Variants in VAPB observed in about 807,000 individuals in gnomAD.
The protein encoded by VAPB is VAMP associated protein B and C.
In VAPB, 7 loss-of-function variants were observed where a neutral mutation model predicts 25.6. The observed-to-expected ratio is 0.27, with a 90% CI of 0.16 to 0.51. The LOEUF is 0.51. Among genes scored for constraint, VAPB ranks in the 20% least tolerant of loss-of-function variants. VAPB has a pLI of 0.97. For missense variants in VAPB, 266 were observed against 301.3 expected (o/e 0.88, Z 0.87); for synonymous variants, 112 against 109.2 (o/e 1.03, Z -0.16).
chr20:58,421,106 C>T (rs771032416), intron 2 of VAPB, among the ~76,000 whole-genome samples: 15 of 152,136 alleles, frequency 9.9e-5, no homozygotes, highest in Non-Finnish European at 2.1e-4. Context: ...GATTTGAGGT[C>T]GGGAAACCTG....
chr20:58,443,354 T>C (rs937841732), intron 5 of VAPB, among the ~76,000 whole-genome samples: 1 of 151,000 alleles, frequency 6.6e-6, no homozygotes, highest in African/African-American at 2.4e-5. Context: ...ACCAGCTATC[T>C]ACAGAGCTCT....
At chr20:58,398,174 C>T (rs1988009042) in intron 1 of VAPB, among the ~76,000 whole-genome samples, 1 of 152,198 alleles carries the variant, frequency 6.6e-6, no homozygotes, top group African/African-American at 2.4e-5. Context: ...AGCACAAAGC[C>T]TATTGTATGA....
At chr20:58,411,530 C>T (rs1255767404) in intron 1 of VAPB, among the ~76,000 whole-genome samples, 1 of 152,214 alleles carries the variant, frequency 6.6e-6, no homozygotes, top group Non-Finnish European at 1.5e-5. Flanking sequence ...GATCCACCCG[C>T]CTTGGCCTCC....
At chr20:58,413,485 G>A (rs551876585) in intron 1 of VAPB, among the ~76,000 whole-genome samples, 2 of 152,280 alleles carry the variant, frequency 1.3e-5, no homozygotes, top group East Asian at 1.9e-4. Flanking sequence ...CGATCAACAG[G>A]ATCCCAAGGC....
intron 1 of VAPB, among the ~76,000 whole-genome samples, chr20:58,410,704 G>A (rs76589786): frequency 0.057 from 8,614 of 152,070 alleles, 379 homozygotes; most frequent in Non-Finnish European, 0.084. Flanking sequence ...GATTATAGGC[G>A]TGAGCCACCA....
chr20:58,415,122 A>G (rs1427782417), intron 1 of VAPB, among the ~76,000 whole-genome samples: 1 of 152,266 alleles, frequency 6.6e-6, no homozygotes, highest in Non-Finnish European at 1.5e-5. Context: ...TTGCCTTGTA[A>G]AACAGATCAA....
intron 1 of VAPB, among the ~76,000 whole-genome samples, chr20:58,409,646 T>C (rs537490384): frequency 2.0e-4 from 30 of 152,334 alleles, no homozygotes; most frequent in Non-Finnish European, 3.4e-4. Context: ...ATATAGCTTT[T>C]TTTATGCAGA....
In VAPB at chr20:58,389,270, C is replaced by A; in HGVS notation, c.-190C>A. ...CCGGGCACCGCGGCCTCGCCCTCGC[C>A]CTCCGCCCCTGCGCCTGCACCGCGT... On this transcript the variant is annotated 5_prime_UTR_variant, in exon 1 of 6. Coordinates refer to ENST00000475243, the MANE Select transcript of VAPB (RefSeq NM_004738.5). 1.4e-6 allele frequency: 1 copy of A among 692,056 alleles called. No individual in the cohort carries two copies. The highest frequency in any genetic ancestry group is 2.6e-6 in the Non-Finnish European group (1 of 386,928). 42.9% of individuals were successfully genotyped at this position (692,056 alleles called of 1,614,324 possible).
At position 58,445,164 on chromosome 20, in the gene VAPB, G is replaced by A. The variant is rs748041959; in HGVS notation, c.*929G>A. 9 of 454,112 alleles carry A rather than the reference G, an allele frequency of 2.0e-5. No individual in the cohort carries two copies. The highest frequency in any genetic ancestry group is 3.5e-5 in the Non-Finnish European group (8 of 226,788). 28.1% of individuals were successfully genotyped at this position (454,112 alleles called of 1,614,324 possible). ...TTTTCTGGGTCAGTAAATAACAACT[G>A]TCATAGGGAGGGAAATTCTCAGTAG... On this transcript the variant is annotated 3_prime_UTR_variant, in exon 6 of 6. Coordinates refer to ENST00000475243, the MANE Select transcript of VAPB (RefSeq NM_004738.5).
In VAPB at chr20:58,448,645, A is replaced by C. The variant is rs1179744889; in HGVS notation, c.*4410A>C. ...TGGATGAGGCCTTCCTGCCTCAGCT[A>C]CTCTGCCCGTCTGTACATCTTTTGT... On this transcript the variant is annotated 3_prime_UTR_variant, in exon 6 of 6. Transcript: ENST00000475243. The C allele has an allele frequency of 2.2e-6, 1 of 453,954 alleles. No individual in the cohort carries two copies. The highest frequency in any genetic ancestry group is 4.4e-6 in the Non-Finnish European group (1 of 226,734). The allele number at this position is 453,954 out of a possible 1,614,324, so 28.1% of individuals were successfully genotyped here.
rs191925579 is a variant in VAPB at position 58,412,945 on chromosome 20, G to A, written c.59-5266G>A. Among the ~76,000 whole-genome samples the A allele has an allele frequency of 1.5e-3, 221 of 152,154 alleles. 1 individual carries two copies. Among genetic ancestry groups the A allele is most frequent in the Admixed American group, 2.6e-3 (39 of 15,274 alleles). ...TTAGGTTTCCTGACAAGTTTATTCA[G>A]CCATTTTTTTATGACATTTTCAACA... On this transcript the variant is annotated intron_variant, in intron 1 of 5. Coordinates refer to ENST00000475243, the MANE Select transcript of VAPB (RefSeq NM_004738.5).
At chr20:58,395,790 G>A (rs930071741) in intron 1 of VAPB, among the ~76,000 whole-genome samples, 5 of 152,104 alleles carry the variant, frequency 3.3e-5, no homozygotes, top group East Asian at 1.9e-4. Flanking sequence ...GGGTATGTGC[G>A]TTCTTTGAAG....
chr20:58,427,884 A>G (rs1988839217), intron 2 of VAPB, among the ~76,000 whole-genome samples: 1 of 148,454 alleles, frequency 6.7e-6, no homozygotes, highest in African/African-American at 2.5e-5. Flanking sequence ...GATGCAGGCG[A>G]AAGTGATCTG....
rs1012003145 is a variant in VAPB at position 58,449,338 on chromosome 20, A to G, written c.*5103A>G. On this transcript the variant is annotated 3_prime_UTR_variant, in exon 6 of 6. Transcript: ENST00000475243. ...TATTTTCATTACAGAGATATTTTGA[A>G]AAATTTAAAAGACATGAACTCACAT... The G allele has an allele frequency of 2.2e-5, 10 of 450,272 alleles. No homozygotes were observed. Among genetic ancestry groups the G allele is most frequent in the Non-Finnish European group, 4.4e-5 (10 of 225,960 alleles). The allele number at this position is 450,272 out of a possible 1,614,324, so 27.9% of individuals were successfully genotyped here. A position where few individuals can be genotyped will look rare whatever the true frequency, so the allele number is the denominator to read the frequency against.
At chr20:58,407,016 C>A (rs999305792) in intron 1 of VAPB, among the ~76,000 whole-genome samples, 2 of 152,018 alleles carry the variant, frequency 1.3e-5, no homozygotes, top group African/African-American at 4.8e-5. Context: ...TGAAAAAATT[C>A]AGTTTATTAA....
intron 1 of VAPB, among the ~76,000 whole-genome samples, chr20:58,413,882 T>A (rs1452865310): frequency 8.5e-6 from 1 of 117,872 alleles, no homozygotes; most frequent in East Asian, 2.9e-4. Flanking sequence ...GGCTCCTCAC[T>A]TCCCAGTAGG....
In VAPB at chr20:58,446,250, C is replaced by CT. The variant is rs1301674879; in HGVS notation, c.*2016dup. ...TATAAAAGGGAGTGAAAAGACCGAG[C>CT]TGTAAGGCATGTGCCTTCTGCCACC... On this transcript the variant is annotated 3_prime_UTR_variant, in exon 6 of 6. Transcript: ENST00000475243. The CT allele has an allele frequency of 2.2e-6, 1 of 453,968 alleles. No individual in the cohort carries two copies. Among genetic ancestry groups the CT allele is most frequent in the African/African-American group, 2.0e-5 (1 of 49,970 alleles). 28.1% of individuals were successfully genotyped at this position (453,968 alleles called of 1,614,324 possible).
intron 2 of VAPB, among the ~76,000 whole-genome samples, chr20:58,434,003 T>G (rs896348174): frequency 4.6e-5 from 7 of 152,150 alleles, no homozygotes; most frequent in African/African-American, 1.7e-4. Context: ...CAGGATCCTC[T>G]GTGTGAGATT....
intron 1 of VAPB, among the ~76,000 whole-genome samples, chr20:58,394,475 C>A (rs553969506): frequency 6.6e-6 from 1 of 152,216 alleles, no homozygotes; most frequent in East Asian, 1.9e-4. Context: ...TGCTTTACAG[C>A]ACAACAGAGC....
Sources: gnomAD v4.1 joint callset for allele counts (sites outside exome capture counted in the v4.1 genomes callset) on GRCh38, gnomAD v4.1.1 for gene constraint, MANE v1.5 for transcripts, NCBI Gene and HGNC (gene_info 2026-07-23, HGNC 2026-07-21) for gene names.